RAB39A: variants seen among roughly 807,000 people sequenced by gnomAD.
RAB39A encodes ras-related protein Rab-39A.
RAB39A carries 17 observed loss-of-function variants against 20.9 expected under a neutral mutation model. That is an observed-to-expected ratio of 0.81 (90% confidence interval 0.56 to 1.22). The LOEUF is 1.22. Ranked by LOEUF, RAB39A falls within the 50% of genes most tolerant of loss-of-function variation. The pLI is 0.00. For synonymous variants in RAB39A, 99 were observed against 103.4 expected (o/e 0.96, Z 0.26); for missense variants, 234 against 270.5 (o/e 0.87, Z 0.95).
intron 1 of RAB39A, among the ~76,000 whole-genome samples, chr11:107,959,133 A>G (rs1486079892): frequency 5.3e-5 from 8 of 151,902 alleles, no homozygotes; most frequent in Non-Finnish European, 8.8e-5. Flanking sequence ...AAAAAAAAAG[A>G]AAAGAAAAGA....
At chr11:107,930,379 A>G (rs1861123409) in intron 1 of RAB39A, among the ~76,000 whole-genome samples, 1 of 152,172 alleles carries the variant, frequency 6.6e-6, no homozygotes, top group Non-Finnish European at 1.5e-5. Flanking sequence ...TGTGATCTCA[A>G]TCAGAGGTAA....
chr11:107,936,442 C>T (rs1233561159), intron 1 of RAB39A, among the ~76,000 whole-genome samples: 3 of 151,402 alleles, frequency 2.0e-5, no homozygotes, highest in Admixed American at 6.6e-5. Context: ...CACTGGCTAC[C>T]GCATGTGTCT....
rs1265658796 is a variant in RAB39A, at chr11:107,962,339, A to G, written c.621A>G (p.Glu207=). Residue 207 remains glutamate (E), a synonymous_variant, in exon 2 of 2, where the codon GAA becomes GAG. Transcript: ENST00000320578. ...FVPNTVHSSE[E]AVKPRKECFC ...CAAATACTGTGCATTCTTCTGAGGAAGCAGTAAAGCCCAGGAAAGAATGCT... is the reference window on the plus strand; with the variant it reads ...CAAATACTGTGCATTCTTCTGAGGAGGCAGTAAAGCCCAGGAAAGAATGCT... 3.7e-6 allele frequency: 6 copies of G among 1,609,142 alleles called. No homozygotes were observed. The highest frequency in any genetic ancestry group is 3.3e-5 in the South Asian group (3 of 90,658).
At chr11:107,932,374 T>C (rs1489207263) in intron 1 of RAB39A, among the ~76,000 whole-genome samples, 1 of 152,220 alleles carries the variant, frequency 6.6e-6, no homozygotes, top group Non-Finnish European at 1.5e-5. Flanking sequence ...TGGTCCAAGT[T>C]GGTGGAGTGG....
At chr11:107,953,560 G>C (rs1175512473) in intron 1 of RAB39A, among the ~76,000 whole-genome samples, 1 of 152,154 alleles carries the variant, frequency 6.6e-6, no homozygotes, top group Non-Finnish European at 1.5e-5. Flanking sequence ...AGCTTCAGCT[G>C]CTAATTCAGT....
At chr11:107,930,051 T>C (rs1321828861) in intron 1 of RAB39A, among the ~76,000 whole-genome samples, 1 of 152,162 alleles carries the variant, frequency 6.6e-6, no homozygotes, top group Non-Finnish European at 1.5e-5. Flanking sequence ...CATTCAAAGT[T>C]TTGGCTTCCG....
chr11:107,951,615 A>ATTTTTT (rs4028253), intron 1 of RAB39A, among the ~76,000 whole-genome samples: 1,244 of 105,570 alleles, frequency 0.012, 35 homozygotes, highest in African/African-American at 0.042. Context: ...CCATTTTCAG[A>ATTTTTT]TTTTTTTTTT....
chr11:107,951,156 A>G (rs1861374666), intron 1 of RAB39A, among the ~76,000 whole-genome samples: 1 of 152,244 alleles, frequency 6.6e-6, no homozygotes, highest in African/African-American at 2.4e-5. Flanking sequence ...TCTAAGTTAC[A>G]AGTGCCAAGT....
intron 1 of RAB39A, among the ~76,000 whole-genome samples, chr11:107,938,219 C>T (rs1025059323): frequency 5.9e-5 from 9 of 151,436 alleles, no homozygotes; most frequent in African/African-American, 2.2e-4. Flanking sequence ...AAAAATTAGC[C>T]GGTTATGGTG....
chr11:107,958,065 T>C (rs1649972264), intron 1 of RAB39A, among the ~76,000 whole-genome samples: 1 of 152,070 alleles, frequency 6.6e-6, no homozygotes, highest in African/African-American at 2.4e-5. Flanking sequence ...CTATTTTATG[T>C]ATTTTTGGTA....
At chr11:107,933,613 C>G (rs1383260056) in intron 1 of RAB39A, among the ~76,000 whole-genome samples, 1 of 151,376 alleles carries the variant, frequency 6.6e-6, no homozygotes, top group African/African-American at 2.4e-5. Context: ...CTCAAGTGAT[C>G]TGCCCGCCTC....
intron 1 of RAB39A, among the ~76,000 whole-genome samples, chr11:107,959,013 A>T (rs1361032169): frequency 2.0e-5 from 3 of 151,916 alleles, no homozygotes; most frequent in African/African-American, 7.3e-5. Flanking sequence ...CCAGCTAGTC[A>T]GGAGGTTGAG....
chr11:107,939,141 G>T (rs1218730102), intron 1 of RAB39A, among the ~76,000 whole-genome samples: 1 of 151,366 alleles, frequency 6.6e-6, no homozygotes, highest in Non-Finnish European at 1.5e-5. Flanking sequence ...CTAATTGGAA[G>T]GCTAACACAG....
intron 1 of RAB39A, among the ~76,000 whole-genome samples, chr11:107,938,378 A>AAG (rs1246927004): frequency 6.7e-6 from 1 of 150,158 alleles, no homozygotes; most frequent in South Asian, 2.1e-4. Context: ...AAAAAAAAAA[A>AAG]AAGAATGAGA....
intron 1 of RAB39A, among the ~76,000 whole-genome samples, chr11:107,933,313 ATGTGTGTGTGTGTGTGTGTGTG>A (rs60670768): frequency 6.9e-4 from 86 of 125,366 alleles, no homozygotes; most frequent in Non-Finnish European, 1.1e-3. Context: ...ATATATATAT[ATGTGTGTGTGTGTGTGTGTGTG>A]TGTGTGTGTG....
chr11:107,934,170 G>A (rs1409442153), intron 1 of RAB39A, among the ~76,000 whole-genome samples: 4 of 152,272 alleles, frequency 2.6e-5, no homozygotes, highest in Middle Eastern at 3.4e-3. Context: ...AGTCACGTCT[G>A]TAATCCTAAC....
intron 1 of RAB39A, among the ~76,000 whole-genome samples, chr11:107,936,199 G>A (rs10890778): frequency 0.25 from 38,405 of 151,934 alleles, 5,369 homozygotes; most frequent in South Asian, 0.39. Context: ...TGCACCTGGC[G>A]TCATTTTCCT....
chr11:107,948,171 A>C (rs1388533523), intron 1 of RAB39A, among the ~76,000 whole-genome samples: 1 of 152,206 alleles, frequency 6.6e-6, no homozygotes, highest in Non-Finnish European at 1.5e-5. Flanking sequence ...AGGTTGTAGG[A>C]GAGACCTCAG....
chr11:107,948,979 C>T (rs1166350458), intron 1 of RAB39A, among the ~76,000 whole-genome samples: 1 of 152,032 alleles, frequency 6.6e-6, no homozygotes, highest in African/African-American at 2.4e-5. Context: ...CAAGATGGGC[C>T]AGGTTATGCT....
Sources: allele counts gnomAD v4.1 joint callset (sites outside exome capture counted in the v4.1 genomes callset), GRCh38; gene constraint gnomAD v4.1.1; transcripts MANE v1.5; gene names NCBI Gene and HGNC (gene_info 2026-07-23, HGNC 2026-07-21).